GLIS3: variants seen among roughly 807,000 people sequenced by gnomAD.
GLIS3 encodes GLIS family zinc finger 3.
A neutral mutation model predicts 78.6 loss-of-function variants in GLIS3; 53 were observed. That is an observed-to-expected ratio of 0.67 (90% CI 0.54 to 0.85). GLIS3 has a LOEUF of 0.85. Ranked by LOEUF, GLIS3 falls within the 40% of genes least tolerant of loss-of-function variation. The pLI, the probability that GLIS3 is intolerant of heterozygous loss-of-function variation, is 0.00. For synonymous variants in GLIS3, 684 were observed against 509.9 expected, an observed-to-expected ratio of 1.34 and a Z score of -4.60; for missense variants, 1,703 against 1,231.1, an observed-to-expected ratio of 1.38 and a Z score of -5.74.
intron 4 of GLIS3, among the ~76,000 whole-genome samples, chr9:4,067,522 T>C (rs1827202095): frequency 6.6e-6 from 1 of 151,906 alleles, no homozygotes; most frequent in East Asian, 1.9e-4. Flanking sequence ...TGAAGAATCA[T>C]TGTAAAAACA....
the GLIS3 span, among the ~76,000 whole-genome samples, chr9:4,380,679 G>C: frequency 6.6e-6 from 1 of 152,154 alleles, no homozygotes; most frequent in African/African-American, 2.4e-5. Context: ...GTAGTTCTTT[G>C]AGAATACTTT....
chr9:4,066,039 T>TAAAAAAAAAA (rs398046406), intron 4 of GLIS3, among the ~76,000 whole-genome samples: 7 of 133,276 alleles, frequency 5.3e-5, no homozygotes, highest in Non-Finnish European at 8.0e-5. Context: ...CCAAAGAATA[T>TAAAAAAAAAA]AAAAAAAAAA....
intron 4 of GLIS3, among the ~76,000 whole-genome samples, chr9:3,980,264 G>C (rs1819144821): frequency 6.6e-6 from 1 of 152,166 alleles, no homozygotes; most frequent in Non-Finnish European, 1.5e-5. Context: ...TTTAAAGCTG[G>C]CATAATTCCC....
At chr9:4,235,978 G>A (rs1822697561) in intron 2 of GLIS3, among the ~76,000 whole-genome samples, 1 of 152,026 alleles carries the variant, frequency 6.6e-6, no homozygotes, top group South Asian at 2.1e-4. Flanking sequence ...AAGAGATTCT[G>A]AGTATGGCTC....
At chr9:4,391,550 G>GGTGTGTGTGT in the GLIS3 span, among the ~76,000 whole-genome samples, 21 of 146,184 alleles carry the variant, frequency 1.4e-4, no homozygotes, top group African/African-American at 5.4e-4. Flanking sequence ...TTCTAAGAGG[G>GGTGTGTGTGT]GTGTGTGTGT....
At chr9:3,842,679 A>G (rs1818797174) in intron 9 of GLIS3, among the ~76,000 whole-genome samples, 1 of 152,316 alleles carries the variant, frequency 6.6e-6, no homozygotes, top group East Asian at 1.9e-4. Context: ...GAACATGCAC[A>G]TTCCTGAGCT....
chr9:4,449,018 C>A, the GLIS3 span, among the ~76,000 whole-genome samples: 1 of 152,138 alleles, frequency 6.6e-6, no homozygotes, highest in Non-Finnish European at 1.5e-5. Flanking sequence ...GGCAGGGTGT[C>A]ACCTCACCTG....
chr9:3,939,984 G>A (rs1190286285), intron 4 of GLIS3, among the ~76,000 whole-genome samples: 3 of 152,162 alleles, frequency 2.0e-5, no homozygotes, highest in Non-Finnish European at 2.9e-5. Flanking sequence ...TGACAATTCT[G>A]CCGAAAGAGA....
At chr9:4,245,830 G>C (rs899648116) in intron 2 of GLIS3, among the ~76,000 whole-genome samples, 3 of 152,096 alleles carry the variant, frequency 2.0e-5, no homozygotes, top group African/African-American at 7.2e-5. Flanking sequence ...ATGCAAGGTT[G>C]GCCTGAACAC....
chr9:3,909,294 T>C (rs1823969843), intron 6 of GLIS3, among the ~76,000 whole-genome samples: 1 of 152,222 alleles, frequency 6.6e-6, no homozygotes, highest in African/African-American at 2.4e-5. Context: ...TAATTTTCAG[T>C]TGAACCTAGG....
chr9:4,212,162 A>G (rs919024266), intron 2 of GLIS3, among the ~76,000 whole-genome samples: 1 of 152,232 alleles, frequency 6.6e-6, no homozygotes, highest in Non-Finnish European at 1.5e-5. Flanking sequence ...TATGTAAATT[A>G]TACCTCGATT....
chr9:4,172,218 T>C (rs1816432754), intron 2 of GLIS3, among the ~76,000 whole-genome samples: 1 of 152,220 alleles, frequency 6.6e-6, no homozygotes, highest in African/African-American at 2.4e-5. Context: ...TATTTGCATC[T>C]GTCTTTCTTA....
In GLIS3 at chr9:4,332,214, G is replaced by A. The variant is rs548038427; in HGVS notation, n.264+14867C>T. 2.6e-5 allele frequency among the ~76,000 whole-genome samples: 4 copies of A among 152,248 alleles called. No homozygotes were observed. The South Asian group carries it at 8.3e-4, about 32-fold the overall frequency. The stretch of plus-strand genomic sequence containing the variant: ...GAAAATACCCCAATCCAACACTATA[G>A]GATCAACACACTGACCCTAATAGTC... On this transcript the variant is annotated intron_variant and non_coding_transcript_variant, in intron 2 of 4. Coordinates refer to the GLIS3 transcript ENST00000471664.
chr9:4,430,195 A>G, the GLIS3 span, among the ~76,000 whole-genome samples: 1 of 152,226 alleles, frequency 6.6e-6, no homozygotes, highest in Admixed American at 6.5e-5. Context: ...AACCACACCA[A>G]GCTAGAAGGT....
At chr9:4,040,302 CA>C (rs1563976448) in intron 4 of GLIS3, among the ~76,000 whole-genome samples, 1 of 148,716 alleles carries the variant, frequency 6.7e-6, no homozygotes, top group Non-Finnish European at 1.5e-5. Flanking sequence ...AAACAAAAAA[CA>C]AAAAACCTGC....
intron 2 of GLIS3, among the ~76,000 whole-genome samples, chr9:4,205,830 T>C (rs1819825723): frequency 6.6e-6 from 1 of 152,206 alleles, no homozygotes; most frequent in Non-Finnish European, 1.5e-5. Flanking sequence ...ATGAAAGCAG[T>C]TTCAAGGGAT....
intron 4 of GLIS3, among the ~76,000 whole-genome samples, chr9:3,965,004 T>C (rs1294414011): frequency 1.3e-5 from 2 of 152,000 alleles, no homozygotes; most frequent in African/African-American, 2.4e-5. Flanking sequence ...TTGTGTGATC[T>C]TGGACATAAA....
At chr9:3,948,642 A>C (rs1407394606) in intron 4 of GLIS3, among the ~76,000 whole-genome samples, 1 of 152,198 alleles carries the variant, frequency 6.6e-6, no homozygotes, top group African/African-American at 2.4e-5. Context: ...AAAAGTATAA[A>C]GTCTAGGGTA....
chr9:4,478,398 G>T, the GLIS3 span, among the ~76,000 whole-genome samples: 1 of 152,166 alleles, frequency 6.6e-6, no homozygotes, highest in Non-Finnish European at 1.5e-5. Context: ...ATCACTTGAG[G>T]TCAGGAGTTT....
Sources: allele counts gnomAD v4.1 joint callset (sites outside exome capture counted in the v4.1 genomes callset), GRCh38; gene constraint gnomAD v4.1.1; transcripts MANE v1.5; gene names NCBI Gene and HGNC (gene_info 2026-07-23, HGNC 2026-07-21).